EFNA5: variants seen among roughly 807,000 people sequenced by gnomAD.
EFNA5 encodes ephrin-A5.
EFNA5 carries 5 observed loss-of-function variants against 22.9 expected under a neutral mutation model. That is an observed-to-expected ratio of 0.22 (90% confidence interval 0.11 to 0.46). EFNA5 has a LOEUF of 0.46. Among genes scored for constraint, EFNA5 ranks in the 20% least tolerant of loss-of-function variants. EFNA5 has a pLI of 0.99. For synonymous variants in EFNA5, 113 were observed against 112.2 expected, an observed-to-expected ratio of 1.01 and a Z score of -0.04; for missense variants, 237 against 293.3, an observed-to-expected ratio of 0.81 and a Z score of 1.40.
At chr5:107,603,849 G>A (rs1324040880) in intron 1 of EFNA5, among the ~76,000 whole-genome samples, 1 of 152,180 alleles carries the variant, frequency 6.6e-6, no homozygotes, top group East Asian at 1.9e-4. Context: ...TATATGTATA[G>A]CTTTACAGAA....
intron 3 of EFNA5, 82 bp from the exon 4 acceptor site, chr5:107,387,397 CCTTTTTTT>C: frequency 2.1e-6 from 2 of 945,626 alleles, no homozygotes; most frequent in South Asian, 3.3e-5. Context: ...TTCTTTCTCT[CCTTTTTTT>C]CTTTTTTTAT....
At chr5:107,573,430 A>C (rs1448557120) in intron 1 of EFNA5, among the ~76,000 whole-genome samples, 1 of 151,872 alleles carries the variant, frequency 6.6e-6, no homozygotes, top group Non-Finnish European at 1.5e-5. Context: ...TAGATATCTC[A>C]GTGCTTCTTT....
At chr5:107,613,069 CTA>C (rs1009455539) in intron 1 of EFNA5, among the ~76,000 whole-genome samples, 17 of 151,850 alleles carry the variant, frequency 1.1e-4, no homozygotes, top group Non-Finnish European at 2.2e-4. Flanking sequence ...ACTTGAAACT[CTA>C]TAAATTTAAC....
At chr5:107,419,432 G>T (rs999110956) in intron 2 of EFNA5, among the ~76,000 whole-genome samples, 3 of 152,148 alleles carry the variant, frequency 2.0e-5, no homozygotes, top group Non-Finnish European at 4.4e-5. Context: ...ATAGAGACCC[G>T]ATATAATTCT....
intron 1 of EFNA5, among the ~76,000 whole-genome samples, chr5:107,454,257 TA>T (rs1749635018): frequency 6.6e-6 from 1 of 152,186 alleles, no homozygotes; most frequent in African/African-American, 2.4e-5. Flanking sequence ...TACTTTATAT[TA>T]AACTCAACAA....
chr5:107,504,479 C>T (rs1226222252), intron 1 of EFNA5, among the ~76,000 whole-genome samples: 7 of 152,118 alleles, frequency 4.6e-5, no homozygotes, highest in Non-Finnish European at 1.5e-5. Flanking sequence ...GCTATTCTCT[C>T]TTCTTTTATA....
intron 1 of EFNA5, among the ~76,000 whole-genome samples, chr5:107,550,159 T>C (rs1159511729): frequency 6.6e-6 from 1 of 152,228 alleles, no homozygotes; most frequent in African/African-American, 2.4e-5. Flanking sequence ...TGCTTTTAGA[T>C]GTGCTCAGAT....
intron 1 of EFNA5, among the ~76,000 whole-genome samples, chr5:107,570,589 C>T (rs1221646706): frequency 7.0e-6 from 1 of 141,874 alleles, no homozygotes; most frequent in African/African-American, 2.7e-5. Context: ...AATTCATGAA[C>T]AATGAGGCTC....
At chr5:107,592,962 G>A (rs928057581) in intron 1 of EFNA5, among the ~76,000 whole-genome samples, 1 of 152,166 alleles carries the variant, frequency 6.6e-6, no homozygotes, top group Non-Finnish European at 1.5e-5. Context: ...AAGCAGTGAT[G>A]AGGCAAAATC....
At chr5:107,542,572 G>T (rs533684190) in intron 1 of EFNA5, among the ~76,000 whole-genome samples, 1 of 152,074 alleles carries the variant, frequency 6.6e-6, no homozygotes, top group African/African-American at 2.4e-5. Flanking sequence ...GTGCGGGGAG[G>T]GGGTAGGTGC....
intron 1 of EFNA5, among the ~76,000 whole-genome samples, chr5:107,562,248 G>C (rs1452781358): frequency 6.6e-6 from 1 of 152,066 alleles, no homozygotes; most frequent in African/African-American, 2.4e-5. Flanking sequence ...ATAAATTATG[G>C]ATAATTTACC....
At chr5:107,390,450 A>G (rs773790047) in intron 2 of EFNA5, among the ~76,000 whole-genome samples, 2 of 152,180 alleles carry the variant, frequency 1.3e-5, no homozygotes, top group African/African-American at 2.4e-5. Flanking sequence ...AAAACAAAAC[A>G]TAACAGAGGA....
At chr5:107,522,460 G>GT (rs773467467) in intron 1 of EFNA5, among the ~76,000 whole-genome samples, 16 of 152,076 alleles carry the variant, frequency 1.1e-4, no homozygotes, top group Non-Finnish European at 2.1e-4. Flanking sequence ...GTGCAGTAGT[G>GT]TAATTATAGC....
chr5:107,504,037 A>C (rs1747197270), intron 1 of EFNA5, among the ~76,000 whole-genome samples: 1 of 152,176 alleles, frequency 6.6e-6, no homozygotes, highest in Non-Finnish European at 1.5e-5. Flanking sequence ...TTTATACATC[A>C]ATCAGTCTAA....
chr5:107,399,294 G>GAAGA (rs1476298774), intron 2 of EFNA5, among the ~76,000 whole-genome samples: 3 of 135,522 alleles, frequency 2.2e-5, no homozygotes, highest in African/African-American at 9.7e-5. Flanking sequence ...CTCTACTAAA[G>GAAGA]AAGGAAGGAA....
chr5:107,517,373 G>A (rs930862866), intron 1 of EFNA5, among the ~76,000 whole-genome samples: 1 of 152,238 alleles, frequency 6.6e-6, no homozygotes, highest in South Asian at 2.1e-4. Flanking sequence ...CTGAACTCCG[G>A]GCCAGACTGC....
intron 1 of EFNA5, among the ~76,000 whole-genome samples, chr5:107,592,089 T>TAA (rs1275196811): frequency 1.2e-5 from 1 of 80,238 alleles, no homozygotes; most frequent in African/African-American, 6.6e-5. Context: ...TTATTAATTT[T>TAA]TAATAAAAAT....
At chr5:107,528,931 G>A (rs142848056) in intron 1 of EFNA5, among the ~76,000 whole-genome samples, 2 of 152,156 alleles carry the variant, frequency 1.3e-5, no homozygotes, top group African/African-American at 4.8e-5. Flanking sequence ...ATACATCAGA[G>A]TTACTTACAT....
chr5:107,667,435 T>C (rs578019306), intron 1 of EFNA5, among the ~76,000 whole-genome samples: 14 of 152,200 alleles, frequency 9.2e-5, no homozygotes, highest in South Asian at 2.1e-4. Flanking sequence ...CATTTATCAA[T>C]GGAGAGGCAG....
Sources: allele counts gnomAD v4.1 joint callset (sites outside exome capture counted in the v4.1 genomes callset), GRCh38; gene constraint gnomAD v4.1.1; transcripts MANE v1.5; gene names NCBI Gene and HGNC (gene_info 2026-07-23, HGNC 2026-07-21).